RAD54L2: variants seen among roughly 807,000 people sequenced by gnomAD.
RAD54L2 encodes RAD54 like 2.
RAD54L2 carries 27 observed loss-of-function variants against 138.4 expected under a neutral mutation model. The ratio of observed to expected loss-of-function variants is 0.20; its 90% CI spans 0.14 to 0.27. RAD54L2 has a LOEUF of 0.27. Ranked by LOEUF, RAD54L2 falls within the 10% of genes least tolerant of loss-of-function variation. The probability of loss-of-function intolerance (pLI) is 1.00; values close to 1 mark genes in which losing one functional copy is unlikely to be tolerated. For missense variants in RAD54L2, 1,396 were observed against 1,890.2 expected (o/e 0.74, Z 4.85); for synonymous variants, 644 against 723.2 (o/e 0.89, Z 1.76).
In RAD54L2 at chr3:51,667,715, C is replaced by G. The variant is rs1315955062; in HGVS notation, c.*4295C>G. 1 of 152,380 alleles carries G rather than the reference C, an allele frequency of 6.6e-6. No individual in the cohort carries two copies. Among genetic ancestry groups the G allele is most frequent in the Non-Finnish European group, 1.5e-5 (1 of 68,144 alleles). 9.4% of individuals were successfully genotyped at this position (152,380 alleles called of 1,614,324 possible). A position where few individuals can be genotyped will look rare whatever the true frequency, so the allele number is the denominator to read the frequency against. On this transcript the variant is annotated 3_prime_UTR_variant, in exon 23 of 23. Transcript: ENST00000684192. Reference sequence around the variant, plus strand: ...CTGCTGCCAACTCTTCTCTTCTGCCCTGTGTATTCTGCTGTGATCCCCTTA... The same window carrying G: ...CTGCTGCCAACTCTTCTCTTCTGCCGTGTGTATTCTGCTGTGATCCCCTTA...
chr3:51,564,925 G>A (rs1699179605), intron 2 of RAD54L2, among the ~76,000 whole-genome samples: 1 of 152,168 alleles, frequency 6.6e-6, no homozygotes. Context: ...TTCATTTGAA[G>A]ATCATATGTT....
intron 3 of RAD54L2, among the ~76,000 whole-genome samples, chr3:51,605,992 G>A (rs1042180324): frequency 3.3e-5 from 5 of 152,124 alleles, no homozygotes; most frequent in African/African-American, 1.2e-4. Flanking sequence ...CGTAACTGTT[G>A]GATTAAGAGG....
chr3:51,663,594 CAAAAAAAAAAAA>C lies in RAD54L2; in HGVS notation c.*187_*198del, dbSNP rs34235841. ...CTCTGTTGCTGTTTAACAAAAGAGG[CAAAAAAAAAAAA>C]AAAAAAAAAAAAGTCCAACACAGCA... On this transcript the variant is annotated 3_prime_UTR_variant, in exon 23 of 23. Coordinates refer to ENST00000684192, the MANE Select transcript of RAD54L2 (RefSeq NM_015106.4). The C allele has an allele frequency of 7.3e-5, 4 of 54,838 alleles. No individual in the cohort carries two copies. The highest frequency in any genetic ancestry group is 4.5e-4 in the East Asian group (1 of 2,220). 3.4% of individuals were successfully genotyped at this position (54,838 alleles called of 1,614,324 possible).
At chr3:51,583,568 T>C (rs1475849332) in intron 2 of RAD54L2, among the ~76,000 whole-genome samples, 3 of 150,900 alleles carry the variant, frequency 2.0e-5, no homozygotes, top group African/African-American at 7.3e-5. Flanking sequence ...TCCAGACATG[T>C]GCCACCACGC....
chr3:51,567,941 C>CAAAA (rs763939768), intron 2 of RAD54L2, among the ~76,000 whole-genome samples: 8 of 81,682 alleles, frequency 9.8e-5, no homozygotes, highest in Middle Eastern at 6.7e-3. Flanking sequence ...GACCCTGTCT[C>CAAAA]AAAAAAAAAA....
chr3:51,540,291 G>A (rs1399299857), intron 1 of RAD54L2, among the ~76,000 whole-genome samples: 7 of 152,124 alleles, frequency 4.6e-5, no homozygotes, highest in Admixed American at 3.9e-4. Flanking sequence ...TTCTCTTACT[G>A]CCATGAAGTG....
chr3:51,591,749 A>G (rs1022875562), intron 3 of RAD54L2, among the ~76,000 whole-genome samples: 2 of 152,160 alleles, frequency 1.3e-5, no homozygotes, highest in Admixed American at 1.3e-4. Context: ...TAGAGTCCCT[A>G]GGTGTCAGCA....
intron 3 of RAD54L2, among the ~76,000 whole-genome samples, chr3:51,601,357 G>C (rs1700076355): frequency 6.7e-6 from 1 of 149,066 alleles, no homozygotes; most frequent in Non-Finnish European, 1.5e-5. Flanking sequence ...CCCCAGGCTG[G>C]AGTGCAATAG....
intron 2 of RAD54L2, among the ~76,000 whole-genome samples, chr3:51,543,363 C>T (rs1268833548): frequency 6.6e-6 from 1 of 152,136 alleles, no homozygotes; most frequent in Non-Finnish European, 1.5e-5. Context: ...AATGCCAGCA[C>T]TTTGGCAGGC....
chr3:51,635,498 T>C (rs1700963419), intron 9 of RAD54L2, 95 bp from the exon 10 acceptor site: 1 of 1,339,610 alleles, frequency 7.5e-7, no homozygotes, highest in African/African-American at 1.5e-5. Context: ...TCAACACAGC[T>C]TTGATTGTGA....
intron 3 of RAD54L2, among the ~76,000 whole-genome samples, chr3:51,621,362 T>C (rs1254791433): frequency 6.6e-6 from 1 of 152,244 alleles, no homozygotes; most frequent in Non-Finnish European, 1.5e-5. Flanking sequence ...GAGAATTAAA[T>C]ATACTGTGCC....
At chr3:51,563,621 C>T (rs1382767252) in intron 2 of RAD54L2, among the ~76,000 whole-genome samples, 1 of 152,210 alleles carries the variant, frequency 6.6e-6, no homozygotes, top group Non-Finnish European at 1.5e-5. Context: ...CAAAGATCAT[C>T]AGGGTCAGTA....
chr3:51,598,815 G>A (rs139195852), intron 3 of RAD54L2, among the ~76,000 whole-genome samples: 4 of 152,124 alleles, frequency 2.6e-5, no homozygotes, highest in East Asian at 1.9e-4. Flanking sequence ...CTGAACATGC[G>A]GAGGTTTCTG....
Position 51,639,528 on chromosome 3 carries a change from G to T in RAD54L2, c.1970G>T (p.Cys657Phe), listed in dbSNP as rs763660826. ...ELGSAGTSARCPPQGTKGKGE... is the reference protein window; with the variant it reads ...ELGSAGTSARFPPQGTKGKGE... ...GGCTCTGCAGGGACCAGTGCCCGCTGTCCACCACAGGGAACAAAAGGCAAG... is the reference window on the plus strand; with the variant it reads ...GGCTCTGCAGGGACCAGTGCCCGCTTTCCACCACAGGGAACAAAAGGCAAG... The change falls in exon 13 of 23, where the codon TGT becomes TTT. Residue 657 changes from cysteine (C) to phenylalanine (F), a missense_variant. Physicochemically the swap from Cys to Phe is radical, Grantham distance 205 (BLOSUM62 -2). This residue lies in a region of RAD54L2 where 211 missense variants were observed against 273.8 expected (regional missense o/e 0.77). Coordinates refer to ENST00000684192, the MANE Select transcript of RAD54L2 (RefSeq NM_015106.4). 4.3e-6 allele frequency: 7 copies of T among 1,613,896 alleles called. No homozygotes were observed. In the African/African-American group the frequency reaches 9.3e-5, roughly 22 times the overall value.
At chr3:51,614,041 G>A (rs1463737407) in intron 3 of RAD54L2, among the ~76,000 whole-genome samples, 1 of 152,194 alleles carries the variant, frequency 6.6e-6, no homozygotes, top group African/African-American at 2.4e-5. Flanking sequence ...AATGTTAGTA[G>A]TGCTAAGGTT....
chr3:51,645,141 A>G lies in RAD54L2; in HGVS notation c.2568A>G (p.Lys856=). ...AVCRVYRYGQ[K]KPCYIYRLVA... is the part of the protein sequence containing the mutation. ...GTCGGGTATACCGTTATGGCCAGAAAAAGCCCTGTTACATCTATCGCCTTG... is the reference window on the plus strand; with the variant it reads ...GTCGGGTATACCGTTATGGCCAGAAGAAGCCCTGTTACATCTATCGCCTTG... Residue 856 remains lysine (K), a synonymous_variant, in exon 17 of 23, where the codon AAA becomes AAG. Transcript: ENST00000684192. The surrounding 1 kb of genome is among the most constrained non-coding windows in gnomAD (Gnocchi z 6.1). The G allele has an allele frequency of 6.2e-7, 1 of 1,613,958 alleles. No individual in the cohort carries two copies.
In RAD54L2 at chr3:51,551,504, C is replaced by T. The variant is rs1386823964; in HGVS notation, c.-55+9854C>T. 4.6e-5 allele frequency among the ~76,000 whole-genome samples: 7 copies of T among 151,514 alleles called. No homozygotes were observed. In the East Asian group the frequency reaches 7.8e-4, roughly 17 times the overall value. The stretch of plus-strand genomic sequence containing the variant: ...AGGCTATAGTGCAGTGGCGCGATCT[C>T]GGCTCACTGCAACCTCCGCCTCCTG... On this transcript the variant is annotated intron_variant, in intron 2 of 22. Transcript: ENST00000684192.
chr3:51,657,529 C>T (rs1559657014), intron 20 of RAD54L2, 51 bp from the exon 21 acceptor site: 1 of 1,282,316 alleles, frequency 7.8e-7, no homozygotes, highest in East Asian at 2.5e-5. Context: ...TTTCCCCCCT[C>T]CTTCAGTCAG....
chr3:51,608,660 A>C (rs1700259759), intron 3 of RAD54L2, among the ~76,000 whole-genome samples: 1 of 152,188 alleles, frequency 6.6e-6, no homozygotes, highest in African/African-American at 2.4e-5. Flanking sequence ...CCCCGTCTCC[A>C]CCAAAAAATA....
Sources: gnomAD v4.1 joint callset for allele counts (sites outside exome capture counted in the v4.1 genomes callset) on GRCh38, gnomAD v4.1.1 for gene constraint, gnomAD v4.1.1 regional missense constraint, Gnocchi (gnomAD v3.1) non-coding constraint, MANE v1.5 for transcripts, NCBI Gene and HGNC (gene_info 2026-07-23, HGNC 2026-07-21) for gene names.